Variants in IL1RAPL1 observed in about 807,000 individuals in gnomAD.
IL1RAPL1 encodes interleukin-1 receptor accessory protein-like 1.
In IL1RAPL1, 3 loss-of-function variants were observed where a neutral mutation model predicts 48.4. The observed-to-expected ratio is 0.06, with a 90% confidence interval of 0.03 to 0.16. The LOEUF (loss-of-function observed/expected upper bound fraction) is 0.16, where lower values mean the gene tolerates loss of function less well. Among genes scored for constraint, IL1RAPL1 ranks in the 10% least tolerant of loss-of-function variants. The pLI is 1.00. For synonymous variants in IL1RAPL1, 185 were observed against 187.7 expected, an observed-to-expected ratio of 0.99 and a Z score of 0.12; for missense variants, 349 against 530.6, an observed-to-expected ratio of 0.66 and a Z score of 3.36.
At chrX:28,712,807 T>C (rs1935455882) in intron 1 of IL1RAPL1, among the ~76,000 whole-genome samples, 1 of 110,883 alleles carries the variant, frequency 9.0e-6, no homozygotes, top group South Asian at 3.8e-4. Context: ...ATTAGCTTTG[T>C]GTATTGTTTG....
chrX:29,952,770 T>A (rs1327962672), intron 9 of IL1RAPL1, among the ~76,000 whole-genome samples: 3 of 112,305 alleles, frequency 2.7e-5, no homozygotes, highest in African/African-American at 9.7e-5. Flanking sequence ...TGCCAAAATA[T>A]GACACATTTG....
At chrX:28,796,568 A>G (rs1017342194) in intron 2 of IL1RAPL1, among the ~76,000 whole-genome samples, 1 of 111,999 alleles carries the variant, frequency 8.9e-6, no homozygotes, top group African/African-American at 3.2e-5. Flanking sequence ...TAAAGCTTCA[A>G]AATGATCTCT....
At chrX:29,018,148 C>T (rs897162794) in intron 2 of IL1RAPL1, among the ~76,000 whole-genome samples, 12 of 111,808 alleles carry the variant, frequency 1.1e-4, no homozygotes, top group Non-Finnish European at 2.1e-4. Context: ...CACTGTGTGC[C>T]AATTTCTACA....
At chrX:29,236,545 C>CTTTTTTTTTTTTTTTTTTTTTTTTTTT (rs754996544) in intron 2 of IL1RAPL1, among the ~76,000 whole-genome samples, 3 of 63,198 alleles carry the variant, frequency 4.7e-5, no homozygotes, top group Non-Finnish European at 5.6e-5. Context: ...CTTTTTTTTT[C>CTTTTTTTTTTTTTTTTTTTTTTTTTTT]TTTTTTTTTT....
At chrX:28,680,014 A>G (rs1426900024) in intron 1 of IL1RAPL1, among the ~76,000 whole-genome samples, 1 of 111,623 alleles carries the variant, frequency 9.0e-6, no homozygotes, top group Non-Finnish European at 1.9e-5. Context: ...TTAGATAGGG[A>G]TTGCATTCAG....
At chrX:28,920,422 T>G (rs1923588091) in intron 2 of IL1RAPL1, among the ~76,000 whole-genome samples, 1 of 112,070 alleles carries the variant, frequency 8.9e-6, no homozygotes, top group East Asian at 2.8e-4. Context: ...CGCTATTGTC[T>G]TTCAGACATC....
intron 2 of IL1RAPL1, among the ~76,000 whole-genome samples, chrX:28,908,185 A>G (rs1412231290): frequency 1.8e-5 from 2 of 108,587 alleles, no homozygotes; most frequent in Non-Finnish European, 3.8e-5. Flanking sequence ...CTTTTTTTCT[A>G]TTTTCCTTCT....
chrX:29,185,859 C>T (rs1478266773), intron 2 of IL1RAPL1, among the ~76,000 whole-genome samples: 1 of 109,841 alleles, frequency 9.1e-6, no homozygotes, highest in Non-Finnish European at 1.9e-5. Flanking sequence ...AAAAAAAAGG[C>T]TCCATTTAAG....
intron 6 of IL1RAPL1, among the ~76,000 whole-genome samples, chrX:29,871,010 C>T (rs988225747): frequency 2.4e-4 from 27 of 112,445 alleles, no homozygotes; most frequent in African/African-American, 8.4e-4. Context: ...AGGCTGAACT[C>T]AACAGGGCTG....
chrX:29,409,085 C>T (rs1215179467), intron 5 of IL1RAPL1, among the ~76,000 whole-genome samples: 1 of 111,561 alleles, frequency 9.0e-6, no homozygotes, highest in Non-Finnish European at 1.9e-5. Flanking sequence ...TATTTTATTT[C>T]TCCTTTAAAA....
intron 5 of IL1RAPL1, among the ~76,000 whole-genome samples, chrX:29,476,731 G>A (rs937358430): frequency 1.6e-4 from 17 of 109,505 alleles, no homozygotes; most frequent in Admixed American, 1.2e-3. Context: ...AACTTAACAC[G>A]TTACCTGAAA....
At chrX:29,595,917 T>G (rs986221904) in intron 5 of IL1RAPL1, among the ~76,000 whole-genome samples, 6 of 111,841 alleles carry the variant, frequency 5.4e-5, no homozygotes, top group African/African-American at 2.0e-4. Flanking sequence ...TTGTATAAGC[T>G]GAAAGATGAG....
At chrX:28,936,323 G>A (rs1331456321) in intron 2 of IL1RAPL1, among the ~76,000 whole-genome samples, 1 of 110,277 alleles carries the variant, frequency 9.1e-6, no homozygotes, top group Admixed American at 9.8e-5. Context: ...CTGAGCAATG[G>A]AACTGTAACT....
intron 6 of IL1RAPL1, among the ~76,000 whole-genome samples, chrX:29,738,822 G>A (rs1928123989): frequency 8.9e-6 from 1 of 112,083 alleles, no homozygotes; most frequent in Non-Finnish European, 1.9e-5. Context: ...GGCTCTCTTG[G>A]AGAGTTGTTT....
chrX:29,918,565 C>CA (rs1212375842), intron 7 of IL1RAPL1, among the ~76,000 whole-genome samples: 1 of 107,965 alleles, frequency 9.3e-6, no homozygotes, highest in African/African-American at 3.4e-5. Flanking sequence ...GGGACTCAAG[C>CA]AAACACAATC....
chrX:29,302,071 A>G (rs757117758), intron 3 of IL1RAPL1, among the ~76,000 whole-genome samples: 21 of 112,286 alleles, frequency 1.9e-4, no homozygotes, highest in Admixed American at 1.7e-3. Context: ...GAAGTACCCA[A>G]GAATAGAATC....
At chrX:29,258,640 C>T (rs759578910) in intron 2 of IL1RAPL1, among the ~76,000 whole-genome samples, 1 of 109,835 alleles carries the variant, frequency 9.1e-6, no homozygotes, top group Non-Finnish European at 1.9e-5. Context: ...AATGTATGCA[C>T]CCTGTTTCCA....
intron 2 of IL1RAPL1, among the ~76,000 whole-genome samples, chrX:29,209,702 T>C (rs1397572847): frequency 8.9e-6 from 1 of 112,273 alleles, no homozygotes; most frequent in Admixed American, 9.5e-5. Context: ...CTGTAATGAA[T>C]AGCCTTGTAT....
intron 6 of IL1RAPL1, among the ~76,000 whole-genome samples, chrX:29,887,528 T>C (rs181294289): frequency 0.01 from 1,122 of 112,130 alleles, 7 homozygotes; most frequent in Non-Finnish European, 0.015. Flanking sequence ...GAGATTCAGC[T>C]ATGTCAAATC....
Sources: gnomAD v4.1 joint callset for allele counts (sites outside exome capture counted in the v4.1 genomes callset) on GRCh38, gnomAD v4.1.1 for gene constraint, MANE v1.5 for transcripts, NCBI Gene and HGNC (gene_info 2026-07-23, HGNC 2026-07-21) for gene names.